Variants in SMOC2 observed in about 807,000 individuals in gnomAD.
SMOC2 encodes the protein SPARC related modular calcium binding 2.
SMOC2 carries 39 observed loss-of-function variants against 61.4 expected under a neutral mutation model. The ratio of observed to expected loss-of-function variants is 0.64; its 90% CI spans 0.49 to 0.83. SMOC2 has a LOEUF of 0.83. SMOC2 is among the 40% of genes least tolerant of loss of function. The pLI, the probability that SMOC2 is intolerant of heterozygous loss-of-function variation, is 0.00. For synonymous variants in SMOC2, 247 were observed against 239.9 expected (o/e 1.03, Z -0.27); for missense variants, 556 against 592.9 (o/e 0.94, Z 0.65).
chr6:168,623,976 G>T (rs1482825049), intron 9 of SMOC2, among the ~76,000 whole-genome samples: 1 of 152,170 alleles, frequency 6.6e-6, no homozygotes, highest in Non-Finnish European at 1.5e-5. Flanking sequence ...GCTGGGTGGG[G>T]CATCGCCGCA....
At chr6:168,450,201 A>G (rs182707274) in intron 1 of SMOC2, among the ~76,000 whole-genome samples, 2 of 152,336 alleles carry the variant, frequency 1.3e-5, no homozygotes, top group African/African-American at 2.4e-5. Context: ...ACAAATGTAC[A>G]TAAAGTTTTG....
chr6:168,474,889 A>G (rs1189676292), intron 1 of SMOC2, among the ~76,000 whole-genome samples: 1 of 152,170 alleles, frequency 6.6e-6, no homozygotes, highest in Non-Finnish European at 1.5e-5. Flanking sequence ...TTTGACTGCT[A>G]AACTACAGTT....
In SMOC2 at chr6:168,650,065, G is replaced by T. The variant is rs551843423; in HGVS notation, c.908-616G>T. The stretch of plus-strand genomic sequence containing the variant: ...GGGAAAGTCACGCTGCAGAATGTTG[G>T]GTGCCTGAATTATTCCCTGACCCCA... On this transcript the variant is annotated intron_variant, in intron 9 of 12. Coordinates refer to ENST00000356284, the MANE Select transcript of SMOC2 (RefSeq NM_001166412.2). 3.9e-5 allele frequency among the ~76,000 whole-genome samples: 6 copies of T among 152,236 alleles called. 1 individual carries two copies. The highest frequency in any genetic ancestry group is 1.4e-4 in the African/African-American group (6 of 41,544).
In SMOC2 at chr6:168,544,085, A is replaced by G. The variant is rs901838766; in HGVS notation, c.511+413A>G. The stretch of plus-strand genomic sequence containing the variant: ...GAAGAGGAACAGTTTTTCTACCTAC[A>G]GCAATCCCTGCCTCTGAGACTGGTA... On this transcript the variant is annotated intron_variant, in intron 5 of 12. Coordinates refer to ENST00000356284, the MANE Select transcript of SMOC2 (RefSeq NM_001166412.2). The surrounding 1 kb of genome is among the most constrained non-coding windows in gnomAD (Gnocchi z 4.1). Among the ~76,000 whole-genome samples, 1 of 152,174 alleles carries G rather than the reference A, an allele frequency of 6.6e-6. No homozygotes were observed. Among genetic ancestry groups the G allele is most frequent in the Non-Finnish European group, 1.5e-5 (1 of 68,030 alleles).
At chr6:168,548,699 C>T (rs1041849039) in intron 6 of SMOC2, among the ~76,000 whole-genome samples, 2 of 152,082 alleles carry the variant, frequency 1.3e-5, no homozygotes, top group African/African-American at 4.8e-5. Context: ...AAGATTACTA[C>T]AAAAGGGGTG....
At chr6:168,516,128 C>A (rs895614219) in intron 2 of SMOC2, among the ~76,000 whole-genome samples, 8 of 152,108 alleles carry the variant, frequency 5.3e-5, no homozygotes, top group African/African-American at 1.9e-4. Context: ...GGAAACAATT[C>A]AAATAGTTTA....
intron 9 of SMOC2, among the ~76,000 whole-genome samples, chr6:168,650,410 C>T (rs1288311170): frequency 2.0e-5 from 3 of 152,186 alleles, no homozygotes; most frequent in Admixed American, 6.5e-5. Context: ...TGACACTGCC[C>T]ACCTCCGATT....
Position 168,523,102 on chromosome 6 carries a change from G to C in SMOC2, c.257-3244G>C, listed in dbSNP as rs1359280746. Reference sequence around the variant, plus strand: ...TAATTTTTTTTTTTTTTTTTTTTGAGACGGAGTCTCGCTCTGTCGCCCAGG... The same window carrying C: ...TAATTTTTTTTTTTTTTTTTTTTGACACGGAGTCTCGCTCTGTCGCCCAGG... On this transcript the variant is annotated intron_variant, in intron 2 of 12. Transcript: ENST00000356284. 3.6e-3 allele frequency among the ~76,000 whole-genome samples: 26 copies of C among 7,258 alleles called. 1 individual carries two copies. Among genetic ancestry groups the C allele is most frequent in the African/African-American group, 4.2e-3 (26 of 6,138 alleles). The allele number at this position is 7,258 out of a possible 152,430, so 4.8% of individuals were successfully genotyped here.
In SMOC2 at chr6:168,486,278, A is replaced by T. The variant is rs117423248; in HGVS notation, c.85-23637A>T. 2.0e-3 allele frequency among the ~76,000 whole-genome samples: 302 copies of T among 152,294 alleles called. 3 individuals carry two copies. In the East Asian group the frequency reaches 0.046, roughly 23 times the overall value. ...CTGGAAAAGAAAATGCTAGATGTCT[A>T]AATTCTCAAGGCAGCACTTTATCCA... On this transcript the variant is annotated intron_variant, in intron 1 of 12. Transcript: ENST00000356284.
chr6:168,463,831 C>T (rs757311144), intron 1 of SMOC2, among the ~76,000 whole-genome samples: 1 of 152,096 alleles, frequency 6.6e-6, no homozygotes, highest in East Asian at 1.9e-4. Context: ...CCTGTAGAGA[C>T]GTCGGCTGAG....
At chr6:168,497,630 C>T (rs1782623779) in intron 1 of SMOC2, among the ~76,000 whole-genome samples, 1 of 152,170 alleles carries the variant, frequency 6.6e-6, no homozygotes, top group Admixed American at 6.5e-5. Context: ...GTACCGTTCT[C>T]TGGACATTCA....
chr6:168,616,123 G>A (rs1786086717), intron 9 of SMOC2, among the ~76,000 whole-genome samples: 2 of 152,196 alleles, frequency 1.3e-5, no homozygotes, highest in Non-Finnish European at 2.9e-5. Context: ...GACACGAGGT[G>A]TCAATATTCT....
At chr6:168,632,549 C>G (rs929424892) in intron 9 of SMOC2, among the ~76,000 whole-genome samples, 4 of 152,224 alleles carry the variant, frequency 2.6e-5, no homozygotes, top group African/African-American at 9.6e-5. Flanking sequence ...CCAGTACGTA[C>G]ACAACCCAGG....
At chr6:168,617,795 C>T (rs984497167) in intron 9 of SMOC2, among the ~76,000 whole-genome samples, 2 of 152,234 alleles carry the variant, frequency 1.3e-5, no homozygotes, top group African/African-American at 4.8e-5. Flanking sequence ...CGATGGGGCC[C>T]CTCCTGGCCT....
chr6:168,447,220 C>G (rs2114989814), intron 1 of SMOC2, among the ~76,000 whole-genome samples: 1 of 152,278 alleles, frequency 6.6e-6, no homozygotes, highest in East Asian at 1.9e-4. Flanking sequence ...GCACACGCTA[C>G]AACGCCTGGC....
intron 7 of SMOC2, among the ~76,000 whole-genome samples, chr6:168,565,047 G>T (rs1784512238): frequency 6.6e-6 from 1 of 152,208 alleles, no homozygotes; most frequent in African/African-American, 2.4e-5. Flanking sequence ...AAATTTTGCA[G>T]GGAATGTTTG....
At position 168,519,193 on chromosome 6, in the gene SMOC2, ATG is replaced by A. The variant is rs202005311; in HGVS notation, c.257-7145_257-7144del. Reference sequence around the variant, plus strand: ...CATGTGTGAGTATGCGTGCATGTGTATGTGTGTGTATGCATGCGTGTGTGAGA... The same window carrying A: ...CATGTGTGAGTATGCGTGCATGTGTATGTGTGTATGCATGCGTGTGTGAGA... On this transcript the variant is annotated intron_variant, in intron 2 of 12. Transcript: ENST00000356284. Among the ~76,000 whole-genome samples the A allele has an allele frequency of 3.4e-4, 33 of 97,004 alleles. 1 individual carries two copies. The highest frequency in any genetic ancestry group is 7.5e-4 in the African/African-American group (18 of 23,916). 63.6% of individuals were successfully genotyped at this position (97,004 alleles called of 152,430 possible). A position where few individuals can be genotyped will look rare whatever the true frequency, so the allele number is the denominator to read the frequency against.
rs549954999 is a variant in SMOC2, at chr6:168,576,351, C to T, written c.638-22467C>T. Among the ~76,000 whole-genome samples the T allele has an allele frequency of 7.2e-5, 11 of 152,250 alleles. No individual in the cohort carries two copies. The South Asian group carries it at 1.9e-3, about 26-fold the overall frequency. ...TGTAATCATGGGCTGTATCTACTGA[C>T]ATCAGTGAACATGTTTGCACTAAGC... On this transcript the variant is annotated intron_variant, in intron 7 of 12. Coordinates refer to ENST00000356284, the MANE Select transcript of SMOC2 (RefSeq NM_001166412.2).
At chr6:168,532,029 G>A (rs1270931175) in intron 4 of SMOC2, among the ~76,000 whole-genome samples, 1 of 152,204 alleles carries the variant, frequency 6.6e-6, no homozygotes, top group Non-Finnish European at 1.5e-5. Flanking sequence ...ACGTATCCAA[G>A]TCCACTTCAT....
Sources: allele counts gnomAD v4.1 joint callset (sites outside exome capture counted in the v4.1 genomes callset), GRCh38; gene constraint gnomAD v4.1.1; non-coding constraint Gnocchi (gnomAD v3.1); transcripts MANE v1.5; gene names NCBI Gene and HGNC (gene_info 2026-07-23, HGNC 2026-07-21).